The following NEB variants were observed in gnomAD, a reference collection of about 807,000 sequenced individuals.
The protein encoded by NEB is nemaline myopathy type 2.
In NEB, 512 loss-of-function variants were observed where a neutral mutation model predicts 952.2. That is an observed-to-expected ratio of 0.54 (90% confidence interval 0.50 to 0.58). The LOEUF (loss-of-function observed/expected upper bound fraction) is 0.58, where lower values mean the gene tolerates loss of function less well. Ranked by LOEUF, NEB falls within the 20% of genes least tolerant of loss-of-function variation. The pLI is 0.00. For synonymous variants in NEB, 2,900 were observed against 3,149.8 expected, an observed-to-expected ratio of 0.92 and a Z score of 2.66; for missense variants, 8,428 against 9,231.1, an observed-to-expected ratio of 0.91 and a Z score of 3.56.
chr2:151,708,628 C>A (rs1350817770), intron 12 of NEB, among the ~76,000 whole-genome samples: 5 of 152,156 alleles, frequency 3.3e-5, no homozygotes, highest in Non-Finnish European at 5.9e-5. Context: ...GTTGATGACA[C>A]CCCAGTTTAT....
chr2:151,655,992 T>C lies in NEB; in HGVS notation c.6527A>G (p.Tyr2176Cys). Reference sequence around the variant, plus strand: ...TGCTGGACTCCAGCCAAGCCCTTTGTACCATTCATTGTAATCTTGCTTATA... The same window carrying C: ...TGCTGGACTCCAGCCAAGCCCTTTGCACCATTCATTGTAATCTTGCTTATA... ...NEYKQDYNEWYKGLGWSPAGS... is the reference protein window; with the variant it reads ...NEYKQDYNEWCKGLGWSPAGS... The change falls in exon 50 of 182, where the codon TAC (tyrosine) becomes TGC (cysteine). Residue 2176 changes from tyrosine (Y) to cysteine (C), a missense_variant. By Grantham distance (194) the Tyr-to-Cys change is radical (BLOSUM62 -2). This residue lies in a region of NEB where 2,851 missense variants were observed against 2,791.5 expected (regional missense o/e 1.02). Coordinates refer to ENST00000397345, the MANE Select transcript of NEB (RefSeq NM_001164508.2). 6.2e-7 allele frequency: 1 copy of C among 1,613,710 alleles called. No homozygotes were observed. Among genetic ancestry groups the C allele is most frequent in the South Asian group, 1.1e-5 (1 of 91,056 alleles).
intron 181 of NEB, 145 bp downstream of exon 181, chr2:151,489,823 TATC>T (rs1472398998): frequency 2.0e-6 from 1 of 499,852 alleles, no homozygotes; most frequent in Non-Finnish European, 3.5e-6. Context: ...AGTTTTCTGA[TATC>T]ATTAATATGA....
chr2:151,535,171 TG>T (rs1056812940), intron 142 of NEB, among the ~76,000 whole-genome samples: 1 of 152,218 alleles, frequency 6.6e-6, no homozygotes, highest in Admixed American at 6.5e-5. Context: ...AGAAAAAATT[TG>T]GGTGCAGATG....
At chr2:151,656,129 C>CA (rs1558886170) in intron 49 of NEB, 24 bp downstream of exon 49, 1 of 1,574,562 alleles carries the variant, frequency 6.4e-7, no homozygotes, top group East Asian at 2.2e-5. Context: ...TTCCAACCAT[C>CA]ACCCAAGTAG....
intron 110 of NEB, 23 bp downstream of exon 110, chr2:151,569,245 G>A: frequency 6.3e-7 from 1 of 1,589,494 alleles, no homozygotes; most frequent in Non-Finnish European, 8.6e-7. Flanking sequence ...TGTACTGAAT[G>A]TCAGGGTAAA....
At chr2:151,571,608 C>T (rs1196908679) in intron 107 of NEB, among the ~76,000 whole-genome samples, 2 of 151,510 alleles carry the variant, frequency 1.3e-5, no homozygotes, top group African/African-American at 4.9e-5. Context: ...TTAGATCTTC[C>T]GCTGAAGCAT....
Position 151,617,724 on chromosome 2 carries a change from A to C in NEB, c.11077-256T>G, listed in dbSNP as rs183767583. The stretch of plus-strand genomic sequence containing the variant: ...TTTATAGGAAAGAGTTATAGCACAC[A>C]GTATTTTTTTTTTTTTGACAACCTA... On this transcript the variant is annotated intron_variant, in intron 74 of 181. Coordinates refer to ENST00000397345, the MANE Select transcript of NEB (RefSeq NM_001164508.2). 1.0e-3 allele frequency among the ~76,000 whole-genome samples: 153 copies of C among 151,816 alleles called. 1 individual carries two copies. The highest frequency in any genetic ancestry group is 3.6e-3 in the African/African-American group (147 of 41,266).
In NEB at chr2:151,537,124, A is replaced by G. The variant is rs1553686509; in HGVS notation, c.21207+8T>C. 1 of 1,570,472 alleles carries G rather than the reference A, an allele frequency of 6.4e-7. No individual in the cohort carries two copies. The highest frequency in any genetic ancestry group is 1.3e-5 in the African/African-American group (1 of 74,074). On this transcript the variant is annotated splice_region_variant and intron_variant, in intron 141 of 181. Coordinates refer to ENST00000397345, the MANE Select transcript of NEB (RefSeq NM_001164508.2). ...TGGATGAGGCCAATTCTCCTTGAGT[A>G]TATATACCTTGCTGTAGAGAGTCTT...
Position 151,614,516 on chromosome 2 carries a change from C to T in NEB, c.11361G>A (p.Pro3787=), listed in dbSNP as rs200043736. 20 of 1,613,862 alleles carry T rather than the reference C, an allele frequency of 1.2e-5. No homozygotes were observed. The highest frequency in any genetic ancestry group is 5.5e-5 in the South Asian group (5 of 91,076). ...HIGARNIKDD[P]KMMWSIHVAK... ...CCACATGGATGGACCACATCATCTT[C>T]GGGTCATCCTTAATGTTCCGGGCCC... The change falls in exon 77 of 182, where the codon CCG becomes CCA. Residue 3787 remains proline, a synonymous_variant. Coordinates refer to ENST00000397345, the MANE Select transcript of NEB (RefSeq NM_001164508.2).
chr2:151,490,181 A>T, intron 180 of NEB, 104 bp from the exon 181 acceptor site: 1 of 1,198,966 alleles, frequency 8.3e-7, no homozygotes, highest in Admixed American at 2.3e-5. Context: ...ACTTAGAATG[A>T]TTTCCAAAAA....
In NEB at chr2:151,497,743, A is replaced by AAAAC. The variant is rs556189491; in HGVS notation, c.24208-29_24208-26dup. 38 of 1,558,640 alleles carry AAAAC rather than the reference A, an allele frequency of 2.4e-5. No homozygotes were observed. In the South Asian group the frequency reaches 3.6e-4, roughly 15 times the overall value. On this transcript the variant is annotated intron_variant, in intron 170 of 181. Coordinates refer to ENST00000397345, the MANE Select transcript of NEB (RefSeq NM_001164508.2). ...CCTGTGCGATAAGAAAGCATCCAGAAAAACAACCATGAGTAACATTTCATT... is the reference window on the plus strand; with the variant it reads ...CCTGTGCGATAAGAAAGCATCCAGAAAAACAAACAACCATGAGTAACATTTCATT...
chr2:151,724,790 C>G, intron 7 of NEB, 67 bp downstream of exon 7: 1 of 1,371,592 alleles, frequency 7.3e-7, no homozygotes, highest in Non-Finnish European at 1.0e-6. Context: ...CAATTTTCTC[C>G]TATAAGACAA....
At chr2:151,615,061 C>A (rs909884530) in intron 76 of NEB, among the ~76,000 whole-genome samples, 15 of 152,064 alleles carry the variant, frequency 9.9e-5, no homozygotes, top group Admixed American at 2.0e-4. Context: ...TATGTGTCAC[C>A]AGGAAATGGC....
chr2:151,560,790 C>T, intron 123 of NEB, 91 bp from the exon 124 acceptor site: 1 of 965,492 alleles, frequency 1.0e-6, no homozygotes, highest in Non-Finnish European at 1.6e-6. Context: ...CTGTCCTTCT[C>T]ACACACTCCC....
chr2:151,557,849 G>C (rs1192710060), intron 124 of NEB, among the ~76,000 whole-genome samples: 1 of 152,118 alleles, frequency 6.6e-6, no homozygotes, highest in Non-Finnish European at 1.5e-5. Context: ...CAATAAACTA[G>C]GTATTGATGG....
Position 151,491,766 on chromosome 2 carries a change from A to G in NEB, c.25067T>C (p.Val8356Ala). Residue 8356 changes from valine to alanine, a missense_variant, in exon 179 of 182, where the codon GTC (valine) becomes GCC (alanine). By Grantham distance (64) the Val-to-Ala change is moderately conservative (BLOSUM62 0). Coordinates refer to ENST00000397345, the MANE Select transcript of NEB (RefSeq NM_001164508.2). ...AACCGAACCAGGATTAGTACGCCAG[A>G]CACGTAAACCTGAAAGGGAAACCAG... ...QDQETITGLR[V>A]WRTNPGSVFD... The G allele has an allele frequency of 6.3e-7, 1 of 1,587,070 alleles. No homozygotes were observed. Among genetic ancestry groups the G allele is most frequent in the Non-Finnish European group, 8.6e-7 (1 of 1,165,576 alleles).
At position 151,615,814 on chromosome 2, in the gene NEB, T is replaced by C. The variant is rs1033246304; in HGVS notation, c.11289+188A>G. On this transcript the variant is annotated intron_variant, in intron 76 of 181. Transcript: ENST00000397345. ...TAGTATGTCTCTAGTTTTGATTGAT[T>C]GATGGGTATAATGGGTCTAGAATTT... The C allele has an allele frequency of 4.1e-5, 21 of 507,538 alleles. 1 individual carries two copies. The highest frequency in any genetic ancestry group is 7.2e-5 in the Non-Finnish European group (21 of 291,558). The allele number at this position is 507,538 out of a possible 1,614,324, so 31.4% of individuals were successfully genotyped here.
At chr2:151,518,546 T>G in intron 155 of NEB, 124 bp from the exon 156 acceptor site, 1 of 684,128 alleles carries the variant, frequency 1.5e-6, no homozygotes, top group Non-Finnish European at 2.6e-6. Context: ...TGGCAAACAC[T>G]AAACAGGAGG....
chr2:151,704,730 C>T (rs548707428), intron 13 of NEB, among the ~76,000 whole-genome samples: 37 of 152,308 alleles, frequency 2.4e-4, no homozygotes, highest in Admixed American at 8.5e-4. Flanking sequence ...ACGCACAGTG[C>T]GAGCACTCAC....
Sources: allele counts gnomAD v4.1 joint callset (sites outside exome capture counted in the v4.1 genomes callset), GRCh38; gene constraint gnomAD v4.1.1; regional missense constraint gnomAD v4.1.1; transcripts MANE v1.5; gene names NCBI Gene and HGNC (gene_info 2026-07-23, HGNC 2026-07-21).